HDAC9: variants seen among roughly 807,000 people sequenced by gnomAD.
HDAC9 encodes MEF-2 interacting transcription repressor (MITR) protein.
In HDAC9, 41 loss-of-function variants were observed where a neutral mutation model predicts 139.4. That is an observed-to-expected ratio of 0.29 (90% CI 0.23 to 0.38). HDAC9 has a LOEUF of 0.38. Ranked by LOEUF, HDAC9 falls within the 10% of genes least tolerant of loss-of-function variation. HDAC9 has a pLI of 1.00. For missense variants in HDAC9, 1,147 were observed against 1,297.0 expected (o/e 0.88, Z 1.78); for synonymous variants, 517 against 476.2 (o/e 1.09, Z -1.12).
chr7:18,137,000 TC>T (rs1419071346), intron 1 of HDAC9, among the ~76,000 whole-genome samples: 1 of 142,828 alleles, frequency 7.0e-6, no homozygotes, highest in Non-Finnish European at 1.5e-5. Context: ...TTTGTAGTTC[TC>T]CTTGAAGAGG....
chr7:18,552,106 G>A (rs1040607469), intron 2 of HDAC9, among the ~76,000 whole-genome samples: 4 of 152,010 alleles, frequency 2.6e-5, no homozygotes, highest in African/African-American at 7.3e-5. Flanking sequence ...AATTATACAG[G>A]AATTCATTTC....
chr7:18,763,972 G>A (rs968269904), intron 15 of HDAC9, among the ~76,000 whole-genome samples: 2 of 152,000 alleles, frequency 1.3e-5, no homozygotes, highest in African/African-American at 2.4e-5. Flanking sequence ...TAAGAGAAAG[G>A]CATATTTATA....
chr7:18,104,916 C>T (rs974857393), intron 1 of HDAC9, among the ~76,000 whole-genome samples: 1 of 151,956 alleles, frequency 6.6e-6, no homozygotes, highest in Non-Finnish European at 1.5e-5. Context: ...GTTTTCAATT[C>T]CATTTCCTCC....
intron 1 of HDAC9, among the ~76,000 whole-genome samples, chr7:18,397,477 G>A (rs1787166078): frequency 6.6e-6 from 1 of 152,004 alleles, no homozygotes; most frequent in African/African-American, 2.4e-5. Flanking sequence ...TTTGGGAGAT[G>A]GATCGTACAC....
intron 25 of HDAC9, among the ~76,000 whole-genome samples, chr7:18,978,082 G>A (rs4413678): frequency 0.039 from 5,969 of 152,052 alleles, 140 homozygotes; most frequent in Middle Eastern, 0.13. Context: ...ATAAAGTGGC[G>A]GAAACGTTTC....
At chr7:18,920,289 C>A (rs959789071) in intron 22 of HDAC9, among the ~76,000 whole-genome samples, 1 of 152,090 alleles carries the variant, frequency 6.6e-6, no homozygotes, top group African/African-American at 2.4e-5. Context: ...CATGATTTGG[C>A]TCTCTGTCTG....
At chr7:18,723,069 T>G (rs1319516387) in intron 12 of HDAC9, among the ~76,000 whole-genome samples, 3 of 152,126 alleles carry the variant, frequency 2.0e-5, no homozygotes, top group African/African-American at 7.2e-5. Flanking sequence ...ACAAAATAAT[T>G]TTAGGATTTC....
intron 14 of HDAC9, among the ~76,000 whole-genome samples, chr7:18,758,791 T>A (rs1417654880): frequency 1.3e-5 from 1 of 75,366 alleles, no homozygotes; most frequent in Admixed American, 1.3e-4. Context: ...TAGAAACATT[T>A]TTTTTTTTTT....
intron 22 of HDAC9, among the ~76,000 whole-genome samples, chr7:18,921,577 A>G (rs1349900273): frequency 1.3e-5 from 2 of 152,172 alleles, no homozygotes; most frequent in African/African-American, 2.4e-5. Flanking sequence ...GTCAGGAAAC[A>G]ACAGGTGCTG....
At chr7:18,193,135 T>C (rs982061583) in intron 2 of HDAC9, among the ~76,000 whole-genome samples, 4 of 152,194 alleles carry the variant, frequency 2.6e-5, no homozygotes, top group African/African-American at 9.6e-5. Context: ...GGGGAGATAA[T>C]CTTTGCTGAG....
At chr7:18,115,809 T>G (rs543817573) in intron 1 of HDAC9, among the ~76,000 whole-genome samples, 1 of 152,348 alleles carries the variant, frequency 6.6e-6, no homozygotes, top group Admixed American at 6.5e-5. Flanking sequence ...CTGATACTAC[T>G]ATCATCATCC....
chr7:18,726,698 A>T lies in HDAC9; in HGVS notation c.1732-882A>T, dbSNP rs141050414. Among the ~76,000 whole-genome samples, 963 of 149,302 alleles carry T rather than the reference A, an allele frequency of 6.5e-3. 9 individuals are homozygous for T. Among genetic ancestry groups the T allele is most frequent in the African/African-American group, 0.023 (929 of 41,152 alleles). ...TTTTTGATAAATATTTTTATTAATA[A>T]ATAAATAAATTCTTTATTAATAAAT... On this transcript the variant is annotated intron_variant, in intron 12 of 25. Coordinates refer to ENST00000686413, the MANE Select transcript of HDAC9 (RefSeq NM_178425.4).
At chr7:18,990,883 A>G (rs1785859799) in intron 25 of HDAC9, among the ~76,000 whole-genome samples, 1 of 152,226 alleles carries the variant, frequency 6.6e-6, no homozygotes, top group Admixed American at 6.5e-5. Flanking sequence ...AAGTGAGGCA[A>G]TGTCTCGCCC....
chr7:18,194,162 T>G (rs926876367), intron 2 of HDAC9, among the ~76,000 whole-genome samples: 1 of 152,186 alleles, frequency 6.6e-6, no homozygotes, highest in African/African-American at 2.4e-5. Context: ...TGTCAGTCTT[T>G]TAAATCTTTG....
At chr7:18,694,221 C>G (rs541802985) in intron 12 of HDAC9, among the ~76,000 whole-genome samples, 11 of 152,164 alleles carry the variant, frequency 7.2e-5, no homozygotes, top group African/African-American at 2.4e-4. Context: ...GACCAGTAGA[C>G]AGAAACTCCA....
At chr7:18,752,765 T>C (rs938633866) in intron 14 of HDAC9, among the ~76,000 whole-genome samples, 1 of 152,156 alleles carries the variant, frequency 6.6e-6, no homozygotes, top group Non-Finnish European at 1.5e-5. Context: ...GGTCAGTGCA[T>C]TGTTTTTCAG....
chr7:18,934,426 A>G (rs1016535474), intron 22 of HDAC9, among the ~76,000 whole-genome samples: 3 of 152,204 alleles, frequency 2.0e-5, no homozygotes, highest in African/African-American at 7.2e-5. Flanking sequence ...TACTAAAAAG[A>G]TAATACATTA....
At chr7:18,537,235 G>A (rs1450306721) in intron 2 of HDAC9, among the ~76,000 whole-genome samples, 2 of 152,224 alleles carry the variant, frequency 1.3e-5, no homozygotes, top group Non-Finnish European at 2.9e-5. Flanking sequence ...GAAGGAGAGA[G>A]TTGAATCTCT....
At chr7:18,930,947 C>G (rs1208855648) in intron 22 of HDAC9, among the ~76,000 whole-genome samples, 2 of 152,148 alleles carry the variant, frequency 1.3e-5, no homozygotes, top group Non-Finnish European at 2.9e-5. Context: ...ATCGCTCTGT[C>G]TCTTTCTTTC....
Sources: gnomAD v4.1 joint callset for allele counts (sites outside exome capture counted in the v4.1 genomes callset) on GRCh38, gnomAD v4.1.1 for gene constraint, MANE v1.5 for transcripts, NCBI Gene and HGNC (gene_info 2026-07-23, HGNC 2026-07-21) for gene names.